Variants in SP140 observed in about 807,000 individuals in gnomAD.
SP140 encodes the protein nuclear body protein SP140.
SP140 carries 81 observed loss-of-function variants against 125.0 expected under a neutral mutation model. The ratio of observed to expected loss-of-function variants is 0.65; its 90% CI spans 0.54 to 0.78. The LOEUF is 0.78. Ranked by LOEUF, SP140 falls within the 30% of genes least tolerant of loss-of-function variation. SP140 has a pLI of 0.00. For missense variants in SP140, 858 were observed against 1,037.0 expected (o/e 0.83, Z 2.37); for synonymous variants, 312 against 354.0 (o/e 0.88, Z 1.33).
Position 230,249,058 on chromosome 2 carries a change from C to G in SP140, c.976+90C>G, listed in dbSNP as rs925057805. On this transcript the variant is annotated intron_variant, in intron 9 of 26. Coordinates refer to ENST00000392045, the MANE Select transcript of SP140 (RefSeq NM_007237.5). The stretch of plus-strand genomic sequence containing the variant: ...AAGTTTCCCTTTCTCCCATCCTACC[C>G]TTCCCTTCTTCACATTCGCATACAT... 9.8e-6 allele frequency: 9 copies of G among 916,710 alleles called. No individual in the cohort carries two copies. The Admixed American group carries it at 1.2e-4, about 12-fold the overall frequency. The allele number at this position is 916,710 out of a possible 1,614,324, so 56.8% of individuals were successfully genotyped here.
the SP140 span, among the ~76,000 whole-genome samples, chr2:230,196,203 T>G: frequency 6.6e-6 from 1 of 152,204 alleles, no homozygotes; most frequent in South Asian, 2.1e-4. Flanking sequence ...AGCTTGTGTT[T>G]AAGAATCAAT....
chr2:230,290,619 A>G, intron 19 of SP140, 55 bp downstream of exon 19: 1 of 1,390,356 alleles, frequency 7.2e-7, no homozygotes, highest in Non-Finnish European at 1.0e-6. Flanking sequence ...CATCACAAGT[A>G]GTGGGGAATT....
At position 230,285,771 on chromosome 2, in the gene SP140, C is replaced by T. The variant is rs776255654; in HGVS notation, c.1584C>T (p.Gly528=). The change falls in exon 17 of 27, where the codon GGC becomes GGT. Residue 528 remains glycine, a synonymous_variant. Transcript: ENST00000392045. ...CCCCAGATAATAGCAAAGCCGACGG[C>T]CAGGTGGTCTCCAGTGAAAAGAAGG... ...SQQNDNSKAD[G]QVVSSEKKAN... 2.5e-6 allele frequency: 4 copies of T among 1,613,638 alleles called. No individual in the cohort carries two copies. Among genetic ancestry groups the T allele is most frequent in the South Asian group, 2.2e-5 (2 of 91,054 alleles).
intron 10 of SP140, among the ~76,000 whole-genome samples, chr2:230,252,396 G>A (rs1863674): frequency 0.094 from 14,265 of 151,980 alleles, 885 homozygotes; most frequent in Non-Finnish European, 0.12. Flanking sequence ...ATAGAGTGGG[G>A]CAAGGACATA....
At chr2:230,202,749 T>C (rs199792220), upstream of SP140, 375 of 1,613,830 alleles carry the variant, frequency 2.3e-4, no homozygotes, top group Non-Finnish European at 3.0e-4. Flanking sequence ...TAATGACTTG[T>C]TAATAGTTTA....
upstream of SP140, chr2:230,221,713 C>A: frequency 2.0e-6 from 3 of 1,535,984 alleles, no homozygotes; most frequent in Non-Finnish European, 2.6e-6. Context: ...ACCTGAAGCC[C>A]CTCCCCATCA....
chr2:230,278,130 C>T (rs2054996937), intron 15 of SP140, among the ~76,000 whole-genome samples: 1 of 152,118 alleles, frequency 6.6e-6, no homozygotes. Context: ...TCCCCACAAC[C>T]TCACCAACAC....
At chr2:230,204,854 T>C (rs1299141464) in intron 1 of SP140, among the ~76,000 whole-genome samples, 3 of 152,090 alleles carry the variant, frequency 2.0e-5, no homozygotes, top group Non-Finnish European at 4.4e-5. Flanking sequence ...TGGGGAGTAG[T>C]GTAGGTTCAG....
chr2:230,212,772 C>T (rs2044640734), intron 1 of SP140: 1 of 1,614,172 alleles, frequency 6.2e-7, no homozygotes. Flanking sequence ...TGAAGTGCTT[C>T]TTCCTTCCTG....
chr2:230,192,234 A>G, the SP140 span, among the ~76,000 whole-genome samples: 1 of 152,228 alleles, frequency 6.6e-6, no homozygotes, highest in Non-Finnish European at 1.5e-5. Flanking sequence ...CAAGACAAGG[A>G]TGCCCTCTCT....
At chr2:230,244,405 C>T (rs1245472907) in intron 5 of SP140, among the ~76,000 whole-genome samples, 1 of 152,216 alleles carries the variant, frequency 6.6e-6, no homozygotes, top group African/African-American at 2.4e-5. Flanking sequence ...TCCCTGCTGA[C>T]TCACTGCGGT....
intron 20 of SP140, among the ~76,000 whole-genome samples, chr2:230,294,016 A>G (rs1344141292): frequency 6.6e-6 from 1 of 152,180 alleles, no homozygotes; most frequent in African/African-American, 2.4e-5. Flanking sequence ...GAGATTGTGA[A>G]GGAAAACCTC....
chr2:230,283,645 C>A (rs1460513305), intron 15 of SP140, among the ~76,000 whole-genome samples: 1 of 152,156 alleles, frequency 6.6e-6, no homozygotes, highest in Admixed American at 6.5e-5. Flanking sequence ...GAGCCTACTG[C>A]CCTCCCATAG....
chr2:230,293,589 G>A (rs1406697672), intron 20 of SP140, among the ~76,000 whole-genome samples: 2 of 151,574 alleles, frequency 1.3e-5, no homozygotes, highest in Admixed American at 1.3e-4. Flanking sequence ...GGCCTCCTCG[G>A]CCTCCCAAAA....
chr2:230,299,529 A>G lies in SP140; in HGVS notation c.2058+2067A>G, dbSNP rs544020021. Among the ~76,000 whole-genome samples the G allele has an allele frequency of 9.8e-5, 15 of 152,330 alleles. No individual in the cohort carries two copies. In the South Asian group the frequency reaches 3.1e-3, roughly 32 times the overall value. On this transcript the variant is annotated intron_variant, in intron 22 of 26. Transcript: ENST00000392045. ...CAGCCAGTACAATTTGCAGAGAGCC[A>G]TGGGGAGAAGGAGGCTTCCAGCTGA...
intron 12 of SP140, among the ~76,000 whole-genome samples, chr2:230,259,513 G>A (rs1278667965): frequency 2.1e-5 from 3 of 141,566 alleles, no homozygotes; most frequent in South Asian, 2.3e-4. Context: ...CCCCGCCTCC[G>A]CTAAAAAAAA....
intron 15 of SP140, among the ~76,000 whole-genome samples, chr2:230,275,815 G>A (rs919599201): frequency 3.3e-5 from 5 of 152,102 alleles, no homozygotes; most frequent in African/African-American, 1.2e-4. Flanking sequence ...GTGAACATAC[G>A]AATAATAAGA....
intron 12 of SP140, among the ~76,000 whole-genome samples, chr2:230,267,193 G>A (rs1478711066): frequency 1.3e-5 from 2 of 152,194 alleles, no homozygotes; most frequent in Admixed American, 1.3e-4. Flanking sequence ...TGAAGAGATT[G>A]TAGTAATCTG....
chr2:230,285,931 C>G, intron 17 of SP140, 99 bp downstream of exon 17: 1 of 873,324 alleles, frequency 1.1e-6, no homozygotes, highest in Admixed American at 2.0e-5. Flanking sequence ...GTTTACTCAT[C>G]AAGCTTAGTC....
Sources: allele counts gnomAD v4.1 joint callset (sites outside exome capture counted in the v4.1 genomes callset), GRCh38; gene constraint gnomAD v4.1.1; transcripts MANE v1.5; gene names NCBI Gene and HGNC (gene_info 2026-07-23, HGNC 2026-07-21).